MTSS2: variants seen among roughly 807,000 people sequenced by gnomAD.
MTSS2 encodes the protein protein MTSS 2.
In MTSS2, 27 loss-of-function variants were observed where a neutral mutation model predicts 67.1. The observed-to-expected ratio is 0.40, with a 90% CI of 0.30 to 0.55. The LOEUF is 0.55. Ranked by LOEUF, MTSS2 falls within the 20% of genes least tolerant of loss-of-function variation. The pLI is 0.43. For missense variants in MTSS2, 1,171 were observed against 1,067.8 expected (o/e 1.10, Z -1.35); for synonymous variants, 624 against 468.6 (o/e 1.33, Z -4.28).
Position 70,664,270 on chromosome 16 carries a change from TG to T in MTSS2, c.1650del (p.Thr551LeufsTer43). ...GGGGGTGCGCCCGAGGGCAGGCCAGTGGCCGTGGGCAGCCCCGCGGTGGGCA... is the reference window on the plus strand; with the variant it reads ...GGGGGTGCGCCCGAGGGCAGGCCAGTGCCGTGGGCAGCCCCGCGGTGGGCA... ...AGLPTAGLPTATGLPSGAPPG... is the reference protein window; with the variant it reads ...AGLPTAGLPTXTGLPSGAPPG... On this transcript the variant is annotated frameshift_variant, in exon 15 of 15. Transcript: ENST00000338779. LOFTEE classifies it low-confidence loss of function (END_TRUNC). The T allele has an allele frequency of 6.4e-7, 1 of 1,558,354 alleles. No individual in the cohort carries two copies.
intron 3 of MTSS2, 53 bp from the exon 4 acceptor site, chr16:70,680,108 C>T: frequency 7.8e-7 from 1 of 1,283,426 alleles, no homozygotes; most frequent in South Asian, 1.8e-5. Context: ...TGCGCAGTCC[C>T]GGCCTCGGGC....
intron 12 of MTSS2, 160 bp downstream of exon 12, chr16:70,665,306 G>A (rs773234681): frequency 3.9e-5 from 37 of 939,054 alleles, no homozygotes; most frequent in Admixed American, 5.3e-5. Flanking sequence ...GGCAGTGACT[G>A]TAGGAAATGG....
intron 6 of MTSS2, 117 bp downstream of exon 6, chr16:70,679,513 C>T: frequency 7.8e-7 from 1 of 1,286,476 alleles, no homozygotes; most frequent in Non-Finnish European, 1.1e-6. Context: ...TTGGAGGGTC[C>T]TGTGTCGGGG....
chr16:70,662,476 G>A lies in MTSS2; in HGVS notation c.*1201C>T, dbSNP rs2052522029. On this transcript the variant is annotated 3_prime_UTR_variant, in exon 15 of 15. Transcript: ENST00000338779. ...ATGGCATCTCCTCCGGCAACAGAGA[G>A]TCAAAGCCAATCTTCCCAGACTCGC... is the stretch of plus-strand genomic sequence containing the variant. 1 of 152,288 alleles carries A rather than the reference G, an allele frequency of 6.6e-6. No individual in the cohort carries two copies. The highest frequency in any genetic ancestry group is 6.5e-5 in the Admixed American group (1 of 15,274). 9.4% of individuals were successfully genotyped at this position (152,288 alleles called of 1,614,324 possible).
intron 7 of MTSS2, 29 bp downstream of exon 7, chr16:70,679,286 G>A (rs1191326589): frequency 6.2e-7 from 1 of 1,613,412 alleles, no homozygotes; most frequent in African/African-American, 1.3e-5. Flanking sequence ...GACGGGAGGA[G>A]CAGCTGGAGG....
rs1370613085 is a variant in MTSS2 at position 70,661,713 on chromosome 16, G to T, written c.*1964C>A. On this transcript the variant is annotated 3_prime_UTR_variant, in exon 15 of 15. Coordinates refer to ENST00000338779, the MANE Select transcript of MTSS2 (RefSeq NM_138383.3). Reference sequence around the variant, plus strand: ...AGCCCCCGGGGCTCACAGGGGAGGGGGACGGCGGAGTCGGTGGGGGCTGTG... The same window carrying T: ...AGCCCCCGGGGCTCACAGGGGAGGGTGACGGCGGAGTCGGTGGGGGCTGTG... The T allele has an allele frequency of 4.3e-6, 1 of 234,216 alleles. No individual in the cohort carries two copies. The highest frequency in any genetic ancestry group is 8.4e-6 in the Non-Finnish European group (1 of 118,472). 14.5% of individuals were successfully genotyped at this position (234,216 alleles called of 1,614,324 possible).
intron 4 of MTSS2, 31 bp downstream of exon 4, chr16:70,679,940 G>T: frequency 1.7e-6 from 1 of 573,664 alleles, no homozygotes; most frequent in South Asian, 1.7e-5. Flanking sequence ...CCGTCCCCCC[G>T]CCCCCCTGCC....
chr16:70,665,054 T>G lies in MTSS2; in HGVS notation c.1171A>C (p.Thr391Pro). 1 of 1,597,732 alleles carries G rather than the reference T, an allele frequency of 6.3e-7. No individual in the cohort carries two copies. Among genetic ancestry groups the G allele is most frequent in the Middle Eastern group, 1.7e-4 (1 of 5,870 alleles). The change falls in exon 13 of 15, where the codon ACT becomes CCT. Residue 391 changes from threonine to proline, a missense_variant. Physicochemically the swap from Thr to Pro is conservative, Grantham distance 38 (BLOSUM62 -1). Transcript: ENST00000338779. The part of the protein sequence containing the change: ...VGSHEQPSGA[T>P]LQRRKDRVEL... ...ACTCGGTCCTTCCTCCGCTGCAGAG[T>G]GGCGCCTGAGGGCTGCTCATGGGAG...
Position 70,664,632 on chromosome 16 carries a change from CGTG to C in MTSS2, c.1434_1436del (p.Thr479del). On this transcript the variant is annotated inframe_deletion, in exon 14 of 15. Coordinates refer to ENST00000338779, the MANE Select transcript of MTSS2 (RefSeq NM_138383.3). ...GGATGGTGTCCTCAGAGCAGGAGGGCGTGGTGGTCTGCGTGCTGTAGCCGCTGG... is the reference window on the plus strand; with the variant it reads ...GGATGGTGTCCTCAGAGCAGGAGGGCGTGGTCTGCGTGCTGTAGCCGCTGG... 2 of 1,613,216 alleles carry C rather than the reference CGTG, an allele frequency of 1.2e-6. No individual in the cohort carries two copies. Among genetic ancestry groups the C allele is most frequent in the Non-Finnish European group, 1.7e-6 (2 of 1,179,898 alleles).
chr16:70,670,897 G>A (rs1007190893), intron 11 of MTSS2, among the ~76,000 whole-genome samples: 1 of 148,628 alleles, frequency 6.7e-6, no homozygotes, highest in Admixed American at 6.9e-5. Flanking sequence ...TTGAACCCAG[G>A]AGTTTGAGAC....
Position 70,664,461 on chromosome 16 carries a change from G to A in MTSS2, c.1472-12C>T. 2.6e-6 allele frequency: 4 copies of A among 1,538,602 alleles called. No individual in the cohort carries two copies. Among genetic ancestry groups the A allele is most frequent in the Non-Finnish European group, 3.5e-6 (4 of 1,142,442 alleles). On this transcript the variant is annotated splice_polypyrimidine_tract_variant and intron_variant, in intron 14 of 14. Coordinates refer to ENST00000338779, the MANE Select transcript of MTSS2 (RefSeq NM_138383.3). ...GTCGTAGTCGGAGCCTGGGGGCACGGGACACAGTGAGGCCCAGGGCCCAGG... is the reference window on the plus strand; with the variant it reads ...GTCGTAGTCGGAGCCTGGGGGCACGAGACACAGTGAGGCCCAGGGCCCAGG...
intron 9 of MTSS2, 66 bp from the exon 10 acceptor site, chr16:70,677,044 C>T (rs923806891): frequency 8.1e-7 from 1 of 1,233,670 alleles, no homozygotes; most frequent in Non-Finnish European, 1.1e-6. Context: ...CCAGAGGCCC[C>T]CCCCCACTCT....
chr16:70,682,857 A>AC (rs2053342778), intron 1 of MTSS2, among the ~76,000 whole-genome samples: 1 of 152,100 alleles, frequency 6.6e-6, no homozygotes, highest in Non-Finnish European at 1.5e-5. Flanking sequence ...CATTTCACCA[A>AC]CAAGGAAACA....
chr16:70,680,769 A>C (rs1372206901), intron 3 of MTSS2, 25 bp downstream of exon 3: 2 of 1,549,396 alleles, frequency 1.3e-6, no homozygotes, highest in Non-Finnish European at 8.7e-7. Context: ...GGGCAACCCC[A>C]ACCTCCAGCC....
intron 1 of MTSS2, among the ~76,000 whole-genome samples, chr16:70,685,073 T>C (rs11646834): frequency 0.42 from 63,876 of 151,760 alleles, 14,558 homozygotes; most frequent in Non-Finnish European, 0.52. Context: ...GAAAAGCGCT[T>C]CCTTGGGGTT....
At position 70,663,538 on chromosome 16, in the gene MTSS2, T is replaced by C; in HGVS notation, c.*139A>G. The C allele has an allele frequency of 7.3e-7, 1 of 1,376,066 alleles. No individual in the cohort carries two copies. Among genetic ancestry groups the C allele is most frequent in the Non-Finnish European group, 9.5e-7 (1 of 1,050,928 alleles). The allele number at this position is 1,376,066 out of a possible 1,614,324, so 85.2% of individuals were successfully genotyped here. On this transcript the variant is annotated 3_prime_UTR_variant, in exon 15 of 15. Coordinates refer to ENST00000338779, the MANE Select transcript of MTSS2 (RefSeq NM_138383.3). ...TTTAAATGCTGGAATCCAAGTGAGG[T>C]GTCTTTCCATAAAGTGGCATGGCCT...
rs539420765 is a variant in MTSS2, at chr16:70,680,065, C to A, written c.206-10G>T. ...ATGTCCCTCGTGGCCCCTGGCGAGG[C>A]AAGCGCGGGGTGGGAAGGGGCCCGC... is the stretch of plus-strand genomic sequence containing the variant. On this transcript the variant is annotated splice_polypyrimidine_tract_variant and intron_variant, in intron 3 of 14. Coordinates refer to ENST00000338779, the MANE Select transcript of MTSS2 (RefSeq NM_138383.3). 4.7e-6 allele frequency: 7 copies of A among 1,504,260 alleles called. No individual in the cohort carries two copies. The African/African-American group carries it at 7.2e-5, about 16-fold the overall frequency. 93.2% of individuals were successfully genotyped at this position (1,504,260 alleles called of 1,614,324 possible).
intron 10 of MTSS2, among the ~76,000 whole-genome samples, chr16:70,676,259 G>A (rs2053112840): frequency 6.6e-6 from 1 of 152,232 alleles, no homozygotes; most frequent in Admixed American, 6.5e-5. Context: ...CCCTGATCCT[G>A]AGCCTGGCTA....
chr16:70,664,535 G>T, intron 14 of MTSS2, 63 bp downstream of exon 14: 1 of 1,583,496 alleles, frequency 6.3e-7, no homozygotes. Flanking sequence ...GGGGAAGGAC[G>T]GGGCCCTCCT....
Sources: allele counts gnomAD v4.1 joint callset (sites outside exome capture counted in the v4.1 genomes callset), GRCh38; gene constraint gnomAD v4.1.1; transcripts MANE v1.5; gene names NCBI Gene and HGNC (gene_info 2026-07-23, HGNC 2026-07-21).